Variants in ALG10 observed in about 807,000 individuals in gnomAD.
The protein encoded by ALG10 is dol-P-Glc:Glc(2)Man(9)GlcNAc(2)-PP-Dol alpha-1,2-glucosyltransferase A.
In ALG10, 25 loss-of-function variants were observed where a neutral mutation model predicts 39.2. The observed-to-expected ratio is 0.64, with a 90% CI of 0.46 to 0.89. The LOEUF (loss-of-function observed/expected upper bound fraction) is 0.89. ALG10 is among the 40% of genes least tolerant of loss of function. ALG10 has a pLI of 0.00. For synonymous variants in ALG10, 184 were observed against 193.9 expected (o/e 0.95, Z 0.42); for missense variants, 486 against 546.6 (o/e 0.89, Z 1.11).
intron 1 of ALG10, chr12:34,023,017 CCCT>C (rs1942795576): frequency 1.8e-6 from 1 of 557,420 alleles, no homozygotes; most frequent in South Asian, 2.9e-5. Flanking sequence ...GGGAACTGAG[CCCT>C]CCTCTTGGCA....
chr12:34,022,824 C>G, intron 1 of ALG10, 54 bp downstream of exon 1: 1 of 1,611,188 alleles, frequency 6.2e-7, no homozygotes, highest in African/African-American at 1.3e-5. Context: ...GTCCCAGCGT[C>G]CCCACGTCCT....
In ALG10 at chr12:34,026,795, A is replaced by C; in HGVS notation, c.1302A>C (p.Thr434=). 6.2e-7 allele frequency: 1 copy of C among 1,613,982 alleles called. No homozygotes were observed. Among genetic ancestry groups the C allele is most frequent in the South Asian group, 1.1e-5 (1 of 91,074 alleles). The part of the protein sequence containing the change: ...IYRLNIPLPP[T]SRLICELSCY... Reference sequence around the variant, plus strand: ...GGCTTAACATACCTCTGCCTCCCACATCCAGACTCATTTGTGAACTGAGCT... The same window carrying C: ...GGCTTAACATACCTCTGCCTCCCACCTCCAGACTCATTTGTGAACTGAGCT... The change falls in exon 3 of 3, where the codon ACA becomes ACC. Residue 434 remains threonine, a synonymous_variant. Coordinates refer to ENST00000266483, the MANE Select transcript of ALG10 (RefSeq NM_032834.4).
chr12:34,022,994 A>C, intron 1 of ALG10: 2 of 650,224 alleles, frequency 3.1e-6, no homozygotes, highest in Non-Finnish European at 5.0e-6. Flanking sequence ...GTGATCTGGG[A>C]GAATACTCAA....
rs769686449 is a variant in ALG10 at position 34,026,217 on chromosome 12, A to C, written c.724A>C (p.Met242Leu). ...TCTTCAGTTTCTTTTGGCTTATTCC[A>C]TGTCCTTTAAAAACTTGAGTATGCT... ...KILQFLLAYS[M>L]SFKNLSMLLL... Residue 242 changes from methionine (M) to leucine (L), a missense_variant, in exon 3 of 3, where the codon ATG (methionine) becomes CTG (leucine). Met to Leu is a conservative substitution (Grantham distance 15, BLOSUM62 2). Coordinates refer to ENST00000266483, the MANE Select transcript of ALG10 (RefSeq NM_032834.4). 1.2e-6 allele frequency: 2 copies of C among 1,613,908 alleles called. No individual in the cohort carries two copies. Among genetic ancestry groups the C allele is most frequent in the African/African-American group, 2.7e-5 (2 of 74,908 alleles).
Position 34,027,184 on chromosome 12 carries a change from T to C in ALG10, c.*269T>C. 2 of 266,132 alleles carry C rather than the reference T, an allele frequency of 7.5e-6. No individual in the cohort carries two copies. The highest frequency in any genetic ancestry group is 1.4e-5 in the Non-Finnish European group (2 of 143,626). 16.5% of individuals were successfully genotyped at this position (266,132 alleles called of 1,614,324 possible). A position where few individuals can be genotyped will look rare whatever the true frequency, so the allele number is the denominator to read the frequency against. ...ATATCACTCTCATAATGTTGGCCCCTTAAAAAGCTTGGGAATGTTTTGTAT... is the reference window on the plus strand; with the variant it reads ...ATATCACTCTCATAATGTTGGCCCCCTAAAAAGCTTGGGAATGTTTTGTAT... On this transcript the variant is annotated 3_prime_UTR_variant, in exon 3 of 3. Transcript: ENST00000266483.
chr12:34,024,902 A>C (rs1942814839), intron 2 of ALG10, among the ~76,000 whole-genome samples: 1 of 152,126 alleles, frequency 6.6e-6, no homozygotes, highest in Non-Finnish European at 1.5e-5. Flanking sequence ...GGAGGGGAGT[A>C]TGTGGCATTT....
At chr12:34,024,861 A>G (rs1308071921) in intron 2 of ALG10, among the ~76,000 whole-genome samples, 1 of 152,210 alleles carries the variant, frequency 6.6e-6, no homozygotes, top group Non-Finnish European at 1.5e-5. Flanking sequence ...ACAGAGAAGG[A>G]GCAGGGGAAC....
At chr12:34,025,797 TA>T (rs149880150) in intron 2 of ALG10, 65 bp from the exon 3 acceptor site, 275,706 of 1,578,598 alleles carry the variant, frequency 0.17, 25,123 homozygotes, top group Non-Finnish European at 0.18. Context: ...ATTTCTTCAT[TA>T]GGTAAGCAGA....
At position 34,022,662 on chromosome 12, in the gene ALG10, C is replaced by T; in HGVS notation, c.63C>T (p.Cys21=). 6.2e-7 allele frequency: 1 copy of T among 1,614,086 alleles called. No homozygotes were observed. The change falls in exon 1 of 3, where the codon TGC becomes TGT. Residue 21 remains cysteine (C), a synonymous_variant. Transcript: ENST00000266483. ...TGAGCTGTACCTTTTTAGTATCCTG[C>T]CTCCTCTTCTCCGCCTTCAGCCGGG... ...AALSCTFLVS[C]LLFSAFSRAL... is the part of the protein sequence containing the mutation.
In ALG10 at chr12:34,026,510, A is replaced by G. The variant is rs1942834703; in HGVS notation, c.1017A>G (p.Lys339=). 1 of 1,613,700 alleles carries G rather than the reference A, an allele frequency of 6.2e-7. No homozygotes were observed. The highest frequency in any genetic ancestry group is 1.1e-5 in the South Asian group (1 of 91,052). The change falls in exon 3 of 3, where the codon AAA becomes AAG. Residue 339 remains lysine (K), a synonymous_variant. Transcript: ENST00000266483. The stretch of plus-strand genomic sequence containing the variant: ...TAGTCTCTGTGTTTTTAGTTTGGAA[A>G]TTCACTTATGCTCATAAATACTTGC... ...VTLVSVFLVW[K]FTYAHKYLLA... is the part of the protein sequence containing the mutation.
rs1186114138 is a variant in ALG10 at position 34,024,053 on chromosome 12, ATGT to A, written c.267_269del (p.Val90del). 2.5e-6 allele frequency: 4 copies of A among 1,614,152 alleles called. No homozygotes were observed. Among genetic ancestry groups the A allele is most frequent in the South Asian group, 2.2e-5 (2 of 91,086 alleles). ...ATTTGGATCTTTGGATGGTCTGAAC[ATGT>A]TGTCTGCTCCATTGGGATGCTCAGA... On this transcript the variant is annotated inframe_deletion, in exon 2 of 3. Coordinates refer to ENST00000266483, the MANE Select transcript of ALG10 (RefSeq NM_032834.4).
chr12:34,022,516 T>A lies in ALG10; in HGVS notation c.-84T>A. The A allele has an allele frequency of 2.5e-6, 4 of 1,610,848 alleles. No homozygotes were observed. In the South Asian group the frequency reaches 4.4e-5, roughly 18 times the overall value. ...TGGCTAGTCCCGCCTAGCGCGCCCA[T>A]TTCGAGCCCAAGTTTCCAGCTCGGG... On this transcript the variant is annotated 5_prime_UTR_variant, in exon 1 of 3. Coordinates refer to ENST00000266483, the MANE Select transcript of ALG10 (RefSeq NM_032834.4).
rs1031253755 is a variant in ALG10 at position 34,026,499 on chromosome 12, T to C, written c.1006T>C (p.Leu336=). The part of the protein sequence containing the change: ...FFVVTLVSVF[L]VWKFTYAHKY... ...TGTGGTTACCTTAGTCTCTGTGTTT[T>C]TAGTTTGGAAATTCACTTATGCTCA... is the stretch of plus-strand genomic sequence containing the variant. The change falls in exon 3 of 3, where the codon TTA becomes CTA. Residue 336 remains leucine (L), a synonymous_variant. Transcript: ENST00000266483. 2 of 1,613,824 alleles carry C rather than the reference T, an allele frequency of 1.2e-6. No homozygotes were observed. The highest frequency in any genetic ancestry group is 1.7e-6 in the Non-Finnish European group (2 of 1,179,926).
In ALG10 at chr12:34,026,822, C is replaced by CT; in HGVS notation, c.1330dup (p.Tyr444LeufsTer5). 2 of 1,613,936 alleles carry CT rather than the reference C, an allele frequency of 1.2e-6. No individual in the cohort carries two copies. Among genetic ancestry groups the CT allele is most frequent in the Non-Finnish European group, 1.7e-6 (2 of 1,179,860 alleles). ...CCAGACTCATTTGTGAACTGAGCTG[C>CT]TATGCAGTTGTTAATTTCATAACTT... On this transcript the variant is annotated frameshift_variant, in exon 3 of 3. Transcript: ENST00000266483. LOFTEE classifies it high-confidence loss of function.
rs201657614 is a variant in ALG10 at position 34,024,103 on chromosome 12, G to A, written c.313G>A (p.Val105Ile). ...CAGATTTGTTAATCTTCTCTTCAGTGTTGGCAACTTCTATTTACTATATTT... is the reference window on the plus strand; with the variant it reads ...CAGATTTGTTAATCTTCTCTTCAGTATTGGCAACTTCTATTTACTATATTT... The part of the protein sequence containing the change: ...MLRFVNLLFS[V>I]GNFYLLYLLF... Residue 105 changes from valine to isoleucine, a missense_variant, in exon 2 of 3, where the codon GTT becomes ATT. Transcript: ENST00000266483. The A allele has an allele frequency of 7.4e-5, 120 of 1,613,992 alleles. No homozygotes were observed. Among genetic ancestry groups the A allele is most frequent in the Non-Finnish European group, 9.4e-5 (111 of 1,180,016 alleles).
Position 34,027,406 on chromosome 12 carries a change from T to C in ALG10, c.*491T>C, listed in dbSNP as rs771650384. 4 of 152,650 alleles carry C rather than the reference T, an allele frequency of 2.6e-5. No individual in the cohort carries two copies. Among genetic ancestry groups the C allele is most frequent in the Non-Finnish European group, 5.9e-5 (4 of 68,062 alleles). 9.5% of individuals were successfully genotyped at this position (152,650 alleles called of 1,614,324 possible). A position where few individuals can be genotyped will look rare whatever the true frequency, so the allele number is the denominator to read the frequency against. ...ACAAATGGTCAGGTGATATTCTTGA[T>C]TGAAAAGTTGCTTAACATTTCAGTA... On this transcript the variant is annotated 3_prime_UTR_variant, in exon 3 of 3. Transcript: ENST00000266483.
rs372357537 is a variant in ALG10 at position 34,026,423 on chromosome 12, C to G, written c.930C>G (p.Ser310Arg). 27 of 1,613,966 alleles carry G rather than the reference C, an allele frequency of 1.7e-5. No individual in the cohort carries two copies. The African/African-American group carries it at 3.1e-4, about 18-fold the overall frequency. ...FFSFPHLLSP[S>R]KIKTFLSLVW... ...CCTTTCCTCATCTCCTGTCTCCTAG[C>G]AAAATTAAGACTTTTCTTTCCTTAG... is the stretch of plus-strand genomic sequence containing the variant. The change falls in exon 3 of 3, where the codon AGC (serine) becomes AGG (arginine). Residue 310 changes from serine (S) to arginine (R), a missense_variant. By Grantham distance (110) the Ser-to-Arg change is moderately radical. Coordinates refer to ENST00000266483, the MANE Select transcript of ALG10 (RefSeq NM_032834.4).
At chr12:34,024,442 G>C (rs1395830160) in intron 2 of ALG10, among the ~76,000 whole-genome samples, 1 of 152,120 alleles carries the variant, frequency 6.6e-6, no homozygotes, top group Non-Finnish European at 1.5e-5. Flanking sequence ...CTAGGGACTG[G>C]GACTACAGAG....
chr12:34,024,549 G>A (rs111595341), intron 2 of ALG10, among the ~76,000 whole-genome samples: 3,944 of 152,238 alleles, frequency 0.026, 174 homozygotes, highest in African/African-American at 0.09. Context: ...TGCAGGCCCT[G>A]GAGGTAGATT....
Sources: allele counts gnomAD v4.1 joint callset (sites outside exome capture counted in the v4.1 genomes callset), GRCh38; gene constraint gnomAD v4.1.1; transcripts MANE v1.5; gene names NCBI Gene and HGNC (gene_info 2026-07-23, HGNC 2026-07-21).